Variants in HHLA2 observed in about 807,000 individuals in gnomAD.
HHLA2 encodes HERV-H LTR-associating protein 2.
Under a neutral mutation model 45.9 loss-of-function variants are expected in HHLA2, and 48 were observed. The ratio of observed to expected loss-of-function variants is 1.05; its 90% CI spans 0.83 to 1.33. The LOEUF (loss-of-function observed/expected upper bound fraction) is 1.33, where lower values mean the gene tolerates loss of function less well. HHLA2 is among the 40% of genes most tolerant of loss of function. The pLI is 0.00. For synonymous variants in HHLA2, 161 were observed against 173.9 expected, an observed-to-expected ratio of 0.93 and a Z score of 0.59; for missense variants, 462 against 494.3, an observed-to-expected ratio of 0.93 and a Z score of 0.62.
At chr3:108,350,820 G>A (rs2081762579) in intron 3 of HHLA2, among the ~76,000 whole-genome samples, 1 of 152,120 alleles carries the variant, frequency 6.6e-6, no homozygotes, top group Non-Finnish European at 1.5e-5. Context: ...GAGTAGCTGG[G>A]ACTACAGGCA....
exon 5 of HHLA2, chr3:108,353,728 T>C: frequency 6.2e-7 from 1 of 1,613,498 alleles, no homozygotes; most frequent in Non-Finnish European, 8.5e-7. Flanking sequence ...ACACCTGCTA[T>C]GTAGGAACAG....
intron 2 of HHLA2, among the ~76,000 whole-genome samples, chr3:108,321,443 G>T (rs889062567): frequency 3.3e-5 from 5 of 152,108 alleles, no homozygotes; most frequent in Admixed American, 6.5e-5. Context: ...GACCATACTT[G>T]CAAGTTACAA....
chr3:108,325,989 G>A, intron 2 of HHLA2: 1 of 343,038 alleles, frequency 2.9e-6, no homozygotes, highest in South Asian at 2.9e-5. Context: ...AGGGAGTCAT[G>A]GTCATCAAAA....
At chr3:108,374,478 TGGGATC>T (rs1325844902) in intron 8 of HHLA2, among the ~76,000 whole-genome samples, 1 of 149,026 alleles carries the variant, frequency 6.7e-6, no homozygotes, top group African/African-American at 2.4e-5. Flanking sequence ...AATTGACAAA[TGGGATC>T]TAATTAAACT....
At chr3:108,351,349 A>G (rs1576156259) in intron 3 of HHLA2, among the ~76,000 whole-genome samples, 1 of 152,234 alleles carries the variant, frequency 6.6e-6, no homozygotes, top group South Asian at 2.1e-4. Flanking sequence ...AGTATTTTCT[A>G]TCATAAAAGC....
chr3:108,378,074 C>T (rs959454744), exon 11 of HHLA2: 2 of 152,160 alleles, frequency 1.3e-5, no homozygotes, highest in Non-Finnish European at 2.9e-5. Context: ...TTGTAATCTT[C>T]CCCACCCTTA....
In HHLA2 at chr3:108,345,779, A is replaced by G. The variant is rs143046752; in HGVS notation, c.-26-6009A>G. Reference sequence around the variant, plus strand: ...AAAATGCCACACAGTAAGGCATGGCATTTGGCTTTCGTAGTGCTTTTCCCA... The same window carrying G: ...AAAATGCCACACAGTAAGGCATGGCGTTTGGCTTTCGTAGTGCTTTTCCCA... On this transcript the variant is annotated intron_variant, in intron 3 of 10. Coordinates refer to ENST00000619531, the Ensembl canonical transcript of HHLA2. Among the ~76,000 whole-genome samples the G allele has an allele frequency of 2.7e-3, 411 of 152,314 alleles. 4 individuals carry two copies. Among genetic ancestry groups the G allele is most frequent in the South Asian group, 5.2e-3 (25 of 4,820 alleles).
intron 1 of HHLA2, among the ~76,000 whole-genome samples, chr3:108,303,989 C>G (rs977897569): frequency 6.6e-6 from 1 of 152,102 alleles, no homozygotes; most frequent in Non-Finnish European, 1.5e-5. Context: ...TGAACTGACT[C>G]TCATTTTTGG....
intron 1 of HHLA2, among the ~76,000 whole-genome samples, chr3:108,301,671 G>A (rs2080851205): frequency 6.6e-6 from 1 of 152,118 alleles, no homozygotes; most frequent in Admixed American, 6.6e-5. Context: ...GCCCGTGGTA[G>A]TTTTAATCTG....
rs140541807 is a variant in HHLA2 at position 108,334,046 on chromosome 3, G to C, written c.-27+5699G>C. On this transcript the variant is annotated intron_variant, in intron 3 of 10. Coordinates refer to ENST00000619531, the Ensembl canonical transcript of HHLA2. ...AGAATCCTTTAAAATGCACATTACT[G>C]TTCTTCATAGGCCAAGACTGTGAAG... Among the ~76,000 whole-genome samples, 368 of 152,246 alleles carry C rather than the reference G, an allele frequency of 2.4e-3. 1 individual carries two copies. The highest frequency in any genetic ancestry group is 8.1e-3 in the African/African-American group (337 of 41,552).
At chr3:108,312,652 G>T (rs2081039632) in intron 2 of HHLA2, among the ~76,000 whole-genome samples, 1 of 152,210 alleles carries the variant, frequency 6.6e-6, no homozygotes, top group African/African-American at 2.4e-5. Flanking sequence ...TGCCACTCAG[G>T]TTCCAGTGCT....
At chr3:108,329,132 A>T (rs1348430838) in intron 3 of HHLA2, among the ~76,000 whole-genome samples, 1 of 152,188 alleles carries the variant, frequency 6.6e-6, no homozygotes, top group East Asian at 1.9e-4. Context: ...ATAAATGTAG[A>T]TCATTTAGTC....
chr3:108,358,036 A>T (rs1468002527), exon 7 of HHLA2: 1 of 1,613,786 alleles, frequency 6.2e-7, no homozygotes, highest in Admixed American at 1.7e-5. Flanking sequence ...TGGAACAAAG[A>T]GCTGATAAAC....
intron 3 of HHLA2, among the ~76,000 whole-genome samples, chr3:108,345,594 C>T (rs2081647141): frequency 2.0e-5 from 3 of 152,170 alleles, no homozygotes; most frequent in South Asian, 4.1e-4. Context: ...CCAGCTGACC[C>T]GTCTCCTCTG....
chr3:108,341,823 A>G (rs1036319284), intron 3 of HHLA2, among the ~76,000 whole-genome samples: 6 of 152,216 alleles, frequency 3.9e-5, no homozygotes, highest in African/African-American at 1.4e-4. Flanking sequence ...TCACAAACCC[A>G]GCTTCTTTCC....
chr3:108,319,168 AG>A (rs2081154664), intron 2 of HHLA2, among the ~76,000 whole-genome samples: 1 of 152,148 alleles, frequency 6.6e-6, no homozygotes, highest in African/African-American at 2.4e-5. Flanking sequence ...GGTGGGAAAG[AG>A]GCAAAGACCC....
chr3:108,366,455 T>C (rs140278447), intron 8 of HHLA2, among the ~76,000 whole-genome samples: 222 of 152,312 alleles, frequency 1.5e-3, no homozygotes, highest in African/African-American at 5.0e-3. Context: ...TTATTGTATC[T>C]CTGTCAGGTT....
chr3:108,348,552 G>C (rs9810288), intron 3 of HHLA2, among the ~76,000 whole-genome samples: 102,466 of 151,616 alleles, frequency 0.68, 35,494 homozygotes, highest in African/African-American at 0.77. Flanking sequence ...TCTAAGATGG[G>C]TGATTGGAGC....
chr3:108,356,075 G>T (rs2081886374), intron 6 of HHLA2, among the ~76,000 whole-genome samples: 1 of 128,848 alleles, frequency 7.8e-6, no homozygotes, highest in African/African-American at 3.0e-5. Flanking sequence ...TGTCGCCCAG[G>T]CTGGAGTACA....
Sources: gnomAD v4.1 joint callset for allele counts (sites outside exome capture counted in the v4.1 genomes callset) on GRCh38, gnomAD v4.1.1 for gene constraint, MANE v1.5 for transcripts, NCBI Gene and HGNC (gene_info 2026-07-23, HGNC 2026-07-21) for gene names.